The following SEC24B variants were observed in gnomAD, a reference collection of about 807,000 sequenced individuals.
The protein encoded by SEC24B is protein transport protein Sec24B.
SEC24B carries 45 observed loss-of-function variants against 142.8 expected under a neutral mutation model. The observed-to-expected ratio is 0.32, with a 90% confidence interval of 0.25 to 0.40. The LOEUF is 0.40. SEC24B is among the 10% of genes least tolerant of loss of function. The pLI, the probability that SEC24B is intolerant of heterozygous loss-of-function variation, is 1.00. For synonymous variants in SEC24B, 574 were observed against 568.2 expected, an observed-to-expected ratio of 1.01 and a Z score of -0.15; for missense variants, 1,409 against 1,526.8, an observed-to-expected ratio of 0.92 and a Z score of 1.29.
At chr4:109,509,955 A>C (rs1041534872) in intron 7 of SEC24B, 54 bp from the exon 8 acceptor site, 2 of 1,040,792 alleles carry the variant, frequency 1.9e-6, no homozygotes, top group East Asian at 5.0e-5. Flanking sequence ...TATCTACTTC[A>C]GTGTATTTTT....
At chr4:109,446,796 T>A (rs1291415984) in intron 1 of SEC24B, among the ~76,000 whole-genome samples, 1 of 152,218 alleles carries the variant, frequency 6.6e-6, no homozygotes, top group African/African-American at 2.4e-5. Flanking sequence ...TCCTTATTGA[T>A]ACATTGTGAT....
intron 7 of SEC24B, among the ~76,000 whole-genome samples, chr4:109,508,032 A>T (rs926760856): frequency 6.6e-6 from 1 of 152,188 alleles, no homozygotes; most frequent in Non-Finnish European, 1.5e-5. Flanking sequence ...ATAGAATTCC[A>T]ATATAGAAAA....
chr4:109,454,555 AG>A (rs1730464263), intron 1 of SEC24B, among the ~76,000 whole-genome samples: 1 of 151,600 alleles, frequency 6.6e-6, no homozygotes, highest in Non-Finnish European at 1.5e-5. Context: ...AAAAAAAGAA[AG>A]AAAAATAAAA....
chr4:109,462,990 C>G lies in SEC24B; in HGVS notation c.223C>G (p.Pro75Ala). 3 of 1,614,058 alleles carry G rather than the reference C, an allele frequency of 1.9e-6. No homozygotes were observed. The highest frequency in any genetic ancestry group is 2.5e-6 in the Non-Finnish European group (3 of 1,180,022). ...IAPSGHYSQG[P>A]GKMTSLPLDT... ...TCCCTCAGGACATTACTCTCAAGGA[C>G]CTGGGAAAATGACCTCATTGCCATT... The change falls in exon 2 of 24, where the codon CCT becomes GCT. Residue 75 changes from proline to alanine, a missense_variant. Around this residue, in one of 2 missense-constraint regions of SEC24B, gnomAD observed 709 missense variants for 673.5 expected, o/e 1.05. Coordinates refer to ENST00000265175, the MANE Select transcript of SEC24B (RefSeq NM_006323.5).
intron 6 of SEC24B, 109 bp downstream of exon 6, chr4:109,494,965 A>T (rs903051259): frequency 2.3e-6 from 3 of 1,306,868 alleles, no homozygotes; most frequent in Non-Finnish European, 3.2e-6. Flanking sequence ...GTACAAATAC[A>T]TGTCAGCCTA....
At chr4:109,518,803 C>CTTT (rs770507485) in intron 11 of SEC24B, among the ~76,000 whole-genome samples, 31 of 117,850 alleles carry the variant, frequency 2.6e-4, no homozygotes, top group East Asian at 4.8e-4. Flanking sequence ...ATGTTTCTGT[C>CTTT]TTTTTTTTTT....
chr4:109,471,538 G>A (rs1277496789), intron 2 of SEC24B, among the ~76,000 whole-genome samples: 1 of 152,160 alleles, frequency 6.6e-6, no homozygotes, highest in East Asian at 1.9e-4. Flanking sequence ...TAGTGATAAT[G>A]TCAGTTATCT....
At chr4:109,436,981 A>G (rs1728464893) in intron 1 of SEC24B, among the ~76,000 whole-genome samples, 2 of 152,212 alleles carry the variant, frequency 1.3e-5, no homozygotes, top group African/African-American at 2.4e-5. Context: ...CTTCTACCAA[A>G]GTAATTGAAC....
intron 4 of SEC24B, among the ~76,000 whole-genome samples, chr4:109,490,823 A>C (rs1458396012): frequency 7.9e-5 from 12 of 152,178 alleles, no homozygotes. Flanking sequence ...ACTGAGACAC[A>C]GAAAAGCTTA....
chr4:109,516,332 A>AT (rs1722897926), intron 10 of SEC24B, among the ~76,000 whole-genome samples, 196 bp from the exon 11 acceptor site: 1 of 152,214 alleles, frequency 6.6e-6, no homozygotes, highest in African/African-American at 2.4e-5. Context: ...CTGCCTTATC[A>AT]TGCTTAGTCC....
chr4:109,467,429 C>T (rs919658369), intron 2 of SEC24B, among the ~76,000 whole-genome samples: 3 of 151,102 alleles, frequency 2.0e-5, no homozygotes, highest in African/African-American at 7.3e-5. Flanking sequence ...TAAAAGGTGT[C>T]ATTTCGTTAG....
chr4:109,488,563 T>G (rs1734635077), intron 4 of SEC24B: 1 of 153,120 alleles, frequency 6.5e-6, no homozygotes, highest in Non-Finnish European at 1.5e-5. Flanking sequence ...TGAATACTCC[T>G]GCTGTGAACA....
intron 5 of SEC24B, among the ~76,000 whole-genome samples, chr4:109,492,052 C>T (rs1048724135): frequency 4.0e-5 from 6 of 151,678 alleles, no homozygotes; most frequent in African/African-American, 1.5e-4. Flanking sequence ...TTCCAAGCTT[C>T]AAAACTAACA....
chr4:109,523,332 C>T (rs371132885), intron 14 of SEC24B, among the ~76,000 whole-genome samples: 5 of 151,802 alleles, frequency 3.3e-5, no homozygotes, highest in Non-Finnish European at 5.9e-5. Flanking sequence ...TAGCTGGGTG[C>T]GGTGATGCAA....
At chr4:109,536,917 T>C (rs1725609202) in intron 22 of SEC24B, among the ~76,000 whole-genome samples, 1 of 151,684 alleles carries the variant, frequency 6.6e-6, no homozygotes, top group South Asian at 2.1e-4. Context: ...AGCACAAATA[T>C]AAAACATTTA....
At chr4:109,524,329 A>G (rs1723984603) in intron 14 of SEC24B, among the ~76,000 whole-genome samples, 1 of 152,184 alleles carries the variant, frequency 6.6e-6, no homozygotes, top group African/African-American at 2.4e-5. Flanking sequence ...TATGATGATT[A>G]AGAACTTGGA....
chr4:109,460,454 A>C (rs556900108), intron 1 of SEC24B, among the ~76,000 whole-genome samples: 1 of 152,120 alleles, frequency 6.6e-6, no homozygotes, highest in Admixed American at 6.5e-5. Context: ...TTAGATTCCA[A>C]GATAATTAAG....
At chr4:109,514,904 T>G (rs1737766393) in intron 10 of SEC24B, among the ~76,000 whole-genome samples, 1 of 152,228 alleles carries the variant, frequency 6.6e-6, no homozygotes, top group Non-Finnish European at 1.5e-5. Context: ...ATTTTCATGT[T>G]TGTTTCTGTA....
At chr4:109,465,133 G>A (rs982877236) in intron 2 of SEC24B, among the ~76,000 whole-genome samples, 1 of 152,184 alleles carries the variant, frequency 6.6e-6, no homozygotes, top group Non-Finnish European at 1.5e-5. Flanking sequence ...CCTAGCTTCA[G>A]GGAAGGCTGG....
Sources: gnomAD v4.1 joint callset for allele counts (sites outside exome capture counted in the v4.1 genomes callset) on GRCh38, gnomAD v4.1.1 for gene constraint, gnomAD v4.1.1 regional missense constraint, MANE v1.5 for transcripts, NCBI Gene and HGNC (gene_info 2026-07-23, HGNC 2026-07-21) for gene names.